The following MID1 variants were observed in gnomAD, a reference collection of about 807,000 sequenced individuals.
The protein encoded by MID1 is midline 1, also known as E3 ubiquitin-protein ligase Midline-1.
A neutral mutation model predicts 40.4 loss-of-function variants in MID1; 7 were observed. That is an observed-to-expected ratio of 0.17 (90% CI 0.10 to 0.33). The LOEUF (loss-of-function observed/expected upper bound fraction) is 0.33. MID1 is among the 10% of genes least tolerant of loss of function. The pLI, the probability that MID1 is intolerant of heterozygous loss-of-function variation, is 1.00. For missense variants in MID1, 367 were observed against 558.5 expected, an observed-to-expected ratio of 0.66 and a Z score of 3.46; for synonymous variants, 229 against 221.2, an observed-to-expected ratio of 1.04 and a Z score of -0.31.
At chrX:10,714,785 G>A (rs1292376276) in intron 1 of MID1, among the ~76,000 whole-genome samples, 2 of 111,400 alleles carry the variant, frequency 1.8e-5, no homozygotes, top group Admixed American at 9.5e-5. Flanking sequence ...CAAGGAGCCT[G>A]CCAAAATGTT....
chrX:10,570,969 C>T (rs7886985), intron 1 of MID1, among the ~76,000 whole-genome samples: 16,280 of 94,417 alleles, frequency 0.17, 2,260 homozygotes, highest in African/African-American at 0.45. Flanking sequence ...GCAAGGATGG[C>T]GGAGCAAGAC....
intron 3 of MID1, among the ~76,000 whole-genome samples, chrX:10,515,506 AAAC>A (rs767910793): frequency 4.4e-5 from 5 of 112,577 alleles, no homozygotes; most frequent in Non-Finnish European, 9.4e-5. Context: ...CATTAAAATA[AAAC>A]AACAACAAAG....
rs1256859650 is a variant in MID1 at position 10,454,899 on chromosome X, A to G, written c.1626T>C (p.Tyr542=). ...TGCTTCCACTTATGACCACTTCCCA[A>G]TAATGCCGGCCACTATCAATAAACA... ...GNVFIDSGRH[Y]WEVVISGSTW... is the part of the protein sequence containing the mutation. Residue 542 remains tyrosine (Y), a synonymous_variant, in exon 9 of 10, where the codon TAT becomes TAC. Transcript: ENST00000317552. The G allele has an allele frequency of 1.7e-6, 2 of 1,211,603 alleles. No individual in the cohort carries two copies. Among genetic ancestry groups the G allele is most frequent in the Non-Finnish European group, 2.2e-6 (2 of 895,254 alleles).
chrX:10,471,729 ATACT>A (rs1326729595), intron 6 of MID1, among the ~76,000 whole-genome samples: 2 of 112,396 alleles, frequency 1.8e-5, no homozygotes, highest in Admixed American at 9.4e-5. Flanking sequence ...CAGTGAAGAA[ATACT>A]TACTCTCTCA....
In MID1 at chrX:10,445,813, T is replaced by C. The variant is rs1928010357; in HGVS notation, c.*3555A>G. ...GATTTTTGGAACTATTTTATAAATA[T>C]TTTTAAAGGTGATGGAGCCACTGGA... On this transcript the variant is annotated 3_prime_UTR_variant, in exon 10 of 10. Transcript: ENST00000317552. The C allele has an allele frequency of 8.9e-6, 1 of 112,026 alleles. No homozygotes were observed. The highest frequency in any genetic ancestry group is 3.2e-5 in the African/African-American group (1 of 30,794). The allele number at this position is 112,026 out of a possible 1,213,427, so 9.2% of individuals were successfully genotyped here.
At chrX:10,669,236 A>AT (rs1458814448) in intron 1 of MID1, among the ~76,000 whole-genome samples, 3 of 99,803 alleles carry the variant, frequency 3.0e-5, no homozygotes, top group African/African-American at 1.2e-4. Flanking sequence ...AAAATAAAAA[A>AT]AAAAAAAAAA....
chrX:10,471,981 A>C (rs1329040816), intron 6 of MID1, among the ~76,000 whole-genome samples: 3 of 112,454 alleles, frequency 2.7e-5, no homozygotes, highest in Non-Finnish European at 5.6e-5. Flanking sequence ...ACAATGAGAC[A>C]GGCTAACCTT....
intron 1 of MID1, among the ~76,000 whole-genome samples, chrX:10,809,120 T>C (rs1161387455): frequency 1.2e-4 from 13 of 111,832 alleles, no homozygotes; most frequent in South Asian, 3.8e-4. Context: ...GGGCGATGGA[T>C]ATGAACAGAC....
At chrX:10,656,029 T>G in intron 1 of MID1, among the ~76,000 whole-genome samples, 1 of 112,252 alleles carries the variant, frequency 8.9e-6, no homozygotes, top group Non-Finnish European at 1.9e-5. Flanking sequence ...TGGTTTGTTA[T>G]GCAGCGCTGG....
intron 2 of MID1, among the ~76,000 whole-genome samples, chrX:10,543,166 G>C (rs1933539377): frequency 8.9e-6 from 1 of 111,987 alleles, no homozygotes; most frequent in Non-Finnish European, 1.9e-5. Flanking sequence ...ATGTACTCAG[G>C]CTCTCCTATC....
chrX:10,482,634 A>T lies in MID1; in HGVS notation c.865-6T>A. 8.3e-7 allele frequency: 1 copy of T among 1,208,860 alleles called. No homozygotes were observed. The highest frequency in any genetic ancestry group is 1.8e-5 in the South Asian group (1 of 56,995). On this transcript the variant is annotated splice_polypyrimidine_tract_variant and splice_region_variant and intron_variant, in intron 4 of 9. Transcript: ENST00000317552. Reference sequence around the variant, plus strand: ...AGTTTGCGAAGCCTCATCACCTTGAACAAAAGAGGCATGGAGAGAGATGGT... The same window carrying T: ...AGTTTGCGAAGCCTCATCACCTTGATCAAAAGAGGCATGGAGAGAGATGGT...
chrX:10,820,415 A>G (rs2044166671), intron 1 of MID1, among the ~76,000 whole-genome samples: 1 of 112,068 alleles, frequency 8.9e-6, no homozygotes, highest in African/African-American at 3.2e-5. Context: ...CACATTTTGC[A>G]GCAGGCCGAG....
intron 1 of MID1, among the ~76,000 whole-genome samples, chrX:10,807,294 T>C (rs1293761342): frequency 9.0e-6 from 1 of 111,215 alleles, no homozygotes; most frequent in East Asian, 2.8e-4. Context: ...CAATGACAAA[T>C]AGCATATTGG....
intron 4 of MID1, among the ~76,000 whole-genome samples, chrX:10,490,658 T>A (rs1220488921): frequency 8.9e-6 from 1 of 112,331 alleles, no homozygotes; most frequent in Non-Finnish European, 1.9e-5. Flanking sequence ...TCACTCTAGA[T>A]TTTTTAATGT....
intron 1 of MID1, among the ~76,000 whole-genome samples, chrX:10,593,805 C>A (rs867299331): frequency 1.2e-5 from 1 of 80,584 alleles, no homozygotes; most frequent in South Asian, 5.8e-4. Context: ...ACACACACAC[C>A]ACTTTTTCTT....
In MID1 at chrX:10,758,623, T is replaced by C. The variant is rs749452935; in HGVS notation, c.-187+74931A>G. ...CTCCTGCCTCAGCCTCCCCAGTAGCTGGGACTACAGTTGCCCGCCACCACG... is the reference window on the plus strand; with the variant it reads ...CTCCTGCCTCAGCCTCCCCAGTAGCCGGGACTACAGTTGCCCGCCACCACG... On this transcript the variant is annotated intron_variant, in intron 1 of 10. Transcript: ENST00000380785. Among the ~76,000 whole-genome samples the C allele has an allele frequency of 3.4e-4, 37 of 107,514 alleles. 1 individual carries two copies. The highest frequency in any genetic ancestry group is 1.2e-3 in the African/African-American group (36 of 29,428). The allele number at this position is 107,514 out of a possible 115,157, so 93.4% of individuals were successfully genotyped here.
At chrX:10,765,942 G>GAAAGAAA (rs1376136707) in intron 1 of MID1, among the ~76,000 whole-genome samples, 1 of 65,414 alleles carries the variant, frequency 1.5e-5, no homozygotes, top group African/African-American at 6.4e-5. Context: ...GGAAAGGAAA[G>GAAAGAAA]GAAAGAAAGA....
intron 1 of MID1, among the ~76,000 whole-genome samples, chrX:10,584,913 T>C (rs1431688083): frequency 9.0e-6 from 1 of 110,978 alleles, no homozygotes; most frequent in Non-Finnish European, 1.9e-5. Flanking sequence ...GAATGAGCAA[T>C]TCCTGTCCCT....
intron 1 of MID1, among the ~76,000 whole-genome samples, chrX:10,817,514 C>CTCTTTCTTTCTTTCTTTCTTTCTT (rs57062100): frequency 2.5e-5 from 2 of 80,434 alleles, no homozygotes; most frequent in African/African-American, 4.7e-5. Flanking sequence ...TTCTTTTTTT[C>CTCTTTCTTTCTTTCTTTCTTTCTT]TCTTTCTTTC....
Sources: allele counts gnomAD v4.1 joint callset (sites outside exome capture counted in the v4.1 genomes callset), GRCh38; gene constraint gnomAD v4.1.1; transcripts MANE v1.5; gene names NCBI Gene and HGNC (gene_info 2026-07-23, HGNC 2026-07-21).